The following SLIT3 variants were observed in gnomAD, a reference collection of about 807,000 sequenced individuals.
The protein encoded by SLIT3 is slit guidance ligand 3, also known as slit homolog 3 protein.
A neutral mutation model predicts 184.0 loss-of-function variants in SLIT3; 68 were observed. The observed-to-expected ratio is 0.37, with a 90% confidence interval of 0.30 to 0.45. The LOEUF (loss-of-function observed/expected upper bound fraction) is 0.45. Ranked by LOEUF, SLIT3 falls within the 20% of genes least tolerant of loss-of-function variation. The probability of loss-of-function intolerance (pLI) is 1.00; values close to 1 mark genes in which losing one functional copy is unlikely to be tolerated. For missense variants in SLIT3, 1,707 were observed against 2,026.0 expected (o/e 0.84, Z 3.02); for synonymous variants, 831 against 828.6 (o/e 1.00, Z -0.05).
At chr5:169,119,106 C>T (rs904129461) in intron 4 of SLIT3, among the ~76,000 whole-genome samples, 2 of 152,196 alleles carry the variant, frequency 1.3e-5, no homozygotes, top group Non-Finnish European at 2.9e-5. Flanking sequence ...AACCATGATA[C>T]TTGGACTGCT....
chr5:168,972,147 CAGGCAG>C (rs928436357), intron 4 of SLIT3, among the ~76,000 whole-genome samples: 6 of 152,240 alleles, frequency 3.9e-5, no homozygotes, highest in African/African-American at 9.6e-5. Context: ...GAGAGGCATC[CAGGCAG>C]AGGCAGAGGC....
chr5:168,833,710 C>T (rs1423966490), intron 6 of SLIT3, among the ~76,000 whole-genome samples: 2 of 152,200 alleles, frequency 1.3e-5, no homozygotes, highest in Non-Finnish European at 1.5e-5. Context: ...TAGGGGCAAG[C>T]AGACAGCAAT....
At chr5:169,181,097 G>A (rs902785616) in intron 4 of SLIT3, among the ~76,000 whole-genome samples, 6 of 152,192 alleles carry the variant, frequency 3.9e-5, no homozygotes, top group African/African-American at 1.4e-4. Context: ...AAGTCAAAGA[G>A]CTTCCCCCAA....
intron 1 of SLIT3, among the ~76,000 whole-genome samples, chr5:169,291,285 A>C (rs537040448): frequency 9.2e-4 from 140 of 152,262 alleles, no homozygotes; most frequent in African/African-American, 3.3e-3. Context: ...ATTTGAGTAG[A>C]TGCTTGAGGC....
chr5:169,218,177 T>C (rs968099717), intron 3 of SLIT3, among the ~76,000 whole-genome samples: 2 of 152,220 alleles, frequency 1.3e-5, no homozygotes, highest in Non-Finnish European at 2.9e-5. Context: ...TTACTGTATG[T>C]CCTTCAAATG....
chr5:169,075,939 G>A (rs180791269), intron 4 of SLIT3, among the ~76,000 whole-genome samples: 2 of 152,326 alleles, frequency 1.3e-5, no homozygotes, highest in Non-Finnish European at 2.9e-5. Flanking sequence ...AGAAGAGTTG[G>A]GGGACAGAAT....
chr5:169,225,024 T>A (rs1209416018), intron 3 of SLIT3, among the ~76,000 whole-genome samples: 2 of 152,228 alleles, frequency 1.3e-5, no homozygotes, highest in East Asian at 3.8e-4. Context: ...TATGTAACAC[T>A]TAAAATCTAT....
At chr5:168,672,021 C>G (rs1406613630) in intron 33 of SLIT3, among the ~76,000 whole-genome samples, 1 of 152,178 alleles carries the variant, frequency 6.6e-6, no homozygotes, top group Admixed American at 6.5e-5. Context: ...CGGTGTACCC[C>G]TCTTCTCAGG....
intron 4 of SLIT3, among the ~76,000 whole-genome samples, chr5:169,092,246 C>T (rs1442816956): frequency 6.6e-6 from 1 of 152,128 alleles, no homozygotes; most frequent in Middle Eastern, 3.2e-3. Context: ...CAGAGGTAGG[C>T]AGGGTTGGTC....
intron 4 of SLIT3, among the ~76,000 whole-genome samples, chr5:168,884,810 A>ACATTTTGG (rs1262818101): frequency 6.6e-6 from 1 of 151,770 alleles, no homozygotes. Flanking sequence ...CTGTGCATGC[A>ACATTTTGG]CATTTTGGGG....
At chr5:169,194,987 G>GATTA (rs1054680784) in intron 3 of SLIT3, among the ~76,000 whole-genome samples, 1 of 152,268 alleles carries the variant, frequency 6.6e-6, no homozygotes, top group African/African-American at 2.4e-5. Flanking sequence ...CCCAAACCAT[G>GATTA]ATTAAAGCAT....
intron 4 of SLIT3, among the ~76,000 whole-genome samples, chr5:168,941,989 C>A (rs13166368): frequency 0.31 from 47,358 of 152,004 alleles, 7,495 homozygotes; most frequent in East Asian, 0.36. Flanking sequence ...TTTCCTCCAG[C>A]CACCACATCT....
chr5:169,006,798 C>T (rs141768005), intron 4 of SLIT3, among the ~76,000 whole-genome samples: 10 of 152,260 alleles, frequency 6.6e-5, no homozygotes, highest in Non-Finnish European at 1.5e-4. Flanking sequence ...GCCTCCCACC[C>T]AACCGTTCCT....
chr5:169,111,177 G>T (rs1436709321), intron 4 of SLIT3, among the ~76,000 whole-genome samples: 1 of 152,120 alleles, frequency 6.6e-6, no homozygotes, highest in Non-Finnish European at 1.5e-5. Flanking sequence ...TTCTCAGGGA[G>T]CCTTCCCTGC....
At chr5:168,698,311 T>C (rs1460321121) in intron 27 of SLIT3, among the ~76,000 whole-genome samples, 1 of 152,112 alleles carries the variant, frequency 6.6e-6, no homozygotes, top group Non-Finnish European at 1.5e-5. Context: ...ATGTAATTAG[T>C]TAAGTTGAGG....
chr5:168,960,543 C>G (rs1762970288), intron 4 of SLIT3, among the ~76,000 whole-genome samples: 1 of 152,164 alleles, frequency 6.6e-6, no homozygotes, highest in South Asian at 2.1e-4. Flanking sequence ...AGCTGGGATT[C>G]AAACTCAGGC....
intron 3 of SLIT3, among the ~76,000 whole-genome samples, chr5:169,209,974 C>T (rs1764206618): frequency 6.6e-6 from 1 of 151,952 alleles, no homozygotes; most frequent in African/African-American, 2.4e-5. Flanking sequence ...TCAATGTCTA[C>T]TAAGTGCCTA....
intron 1 of SLIT3, among the ~76,000 whole-genome samples, chr5:169,288,646 G>C (rs1242773670): frequency 6.6e-6 from 1 of 152,016 alleles, no homozygotes; most frequent in Non-Finnish European, 1.5e-5. Flanking sequence ...TTTATTCATT[G>C]TGGTAGACAC....
intron 4 of SLIT3, among the ~76,000 whole-genome samples, chr5:169,130,795 A>G (rs1761268597): frequency 6.6e-6 from 1 of 152,246 alleles, no homozygotes; most frequent in Non-Finnish European, 1.5e-5. Flanking sequence ...ATGGAATACT[A>G]CAAAGCAGTT....
Sources: gnomAD v4.1 joint callset for allele counts (sites outside exome capture counted in the v4.1 genomes callset) on GRCh38, gnomAD v4.1.1 for gene constraint, MANE v1.5 for transcripts, NCBI Gene and HGNC (gene_info 2026-07-23, HGNC 2026-07-21) for gene names.